Variants in STON1 observed in about 807,000 individuals in gnomAD.
STON1 encodes stonin-1.
Under a neutral mutation model 60.9 loss-of-function variants are expected in STON1, and 79 were observed. That is an observed-to-expected ratio of 1.30 (90% CI 1.08 to 1.56). STON1 has a LOEUF of 1.56. Among genes scored for constraint, STON1 ranks in the 40% most tolerant of loss-of-function variants. The pLI is 0.00. For synonymous variants in STON1, 363 were observed against 306.9 expected, an observed-to-expected ratio of 1.18 and a Z score of -1.91; for missense variants, 1,166 against 858.9, an observed-to-expected ratio of 1.36 and a Z score of -4.47.
intron 1 of STON1, chr2:48,531,663 G>GCTGGGGTTTTCTTCCACATGAT (rs1439098243): frequency 1.3e-5 from 2 of 152,200 alleles, no homozygotes; most frequent in Non-Finnish European, 2.9e-5. Context: ...AGCAGCCTGA[G>GCTGGGGTTTTCTTCCACATGAT]CTGGGGTTTT....
Position 48,581,223 on chromosome 2 carries a change from C to T in STON1, c.590C>T (p.Thr197Ile), listed in dbSNP as rs542933253. ...WKDEGSDSHFTLDPPGSKKMF... is the reference protein window; with the variant it reads ...WKDEGSDSHFILDPPGSKKMF... ...GATGAAGGCAGTGATTCCCATTTCA[C>T]CCTTGACCCACCAGGAAGCAAAAAG... Residue 197 changes from threonine to isoleucine, a missense_variant, in exon 2 of 4, where the codon ACC becomes ATC. Thr to Ile is a moderately conservative substitution (Grantham distance 89). Transcript: ENST00000404752. 4 of 1,520,136 alleles carry T rather than the reference C, an allele frequency of 2.6e-6. No individual in the cohort carries two copies. The highest frequency in any genetic ancestry group is 2.7e-5 in the South Asian group (2 of 74,518). 94.2% of individuals were successfully genotyped at this position (1,520,136 alleles called of 1,614,324 possible). A position where few individuals can be genotyped will look rare whatever the true frequency, so the allele number is the denominator to read the frequency against.
chr2:48,565,879 G>A (rs1447162139), intron 1 of STON1, among the ~76,000 whole-genome samples: 1 of 152,154 alleles, frequency 6.6e-6, no homozygotes, highest in East Asian at 1.9e-4. Context: ...AGCATCTATG[G>A]CAGTGACATG....
chr2:48,542,235 C>A (rs530241638), intron 1 of STON1, among the ~76,000 whole-genome samples: 73 of 152,326 alleles, frequency 4.8e-4, no homozygotes, highest in Non-Finnish European at 9.7e-4. Flanking sequence ...AAGCAGTCTA[C>A]ACAAAGATAT....
At position 48,581,334 on chromosome 2, in the gene STON1, A is replaced by G. The variant is rs1192570057; in HGVS notation, c.701A>G (p.Glu234Gly). Residue 234 changes from glutamate (E) to glycine (G), a missense_variant, in exon 2 of 4, where the codon GAA becomes GGA. Physicochemically the swap from Glu to Gly is moderately conservative, Grantham distance 98. Transcript: ENST00000404752. ...CSLNYICEKL[E>G]HLQSAENQDS... ...CTCAACTATATCTGTGAGAAGCTTG[A>G]ACATCTCCAGTCAGCTGAGAACCAA... 6.5e-7 allele frequency: 1 copy of G among 1,538,240 alleles called. No homozygotes were observed.
chr2:48,568,153 G>A (rs1221394112), intron 1 of STON1, among the ~76,000 whole-genome samples: 1 of 152,146 alleles, frequency 6.6e-6, no homozygotes, highest in East Asian at 1.9e-4. Flanking sequence ...GCTGATACCA[G>A]GAGGCTACTG....
intron 1 of STON1, among the ~76,000 whole-genome samples, chr2:48,538,184 C>T (rs1210448898): frequency 6.6e-6 from 1 of 152,074 alleles, no homozygotes; most frequent in East Asian, 1.9e-4. Flanking sequence ...GTCTTGAACT[C>T]CTGCTCTCAT....
intron 1 of STON1, among the ~76,000 whole-genome samples, chr2:48,549,488 G>C (rs1487854767): frequency 3.9e-5 from 6 of 152,120 alleles, no homozygotes; most frequent in Non-Finnish European, 8.8e-5. Flanking sequence ...CCTGAGGACA[G>C]ACCTAGGGTT....
At position 48,581,261 on chromosome 2, in the gene STON1, A is replaced by G; in HGVS notation, c.628A>G (p.Arg210Gly). The G allele has an allele frequency of 6.6e-7, 1 of 1,518,188 alleles. No individual in the cohort carries two copies. Among genetic ancestry groups the G allele is most frequent in the South Asian group, 1.3e-5 (1 of 74,462 alleles). The allele number at this position is 1,518,188 out of a possible 1,614,324, so 94.0% of individuals were successfully genotyped here. Residue 210 changes from arginine (R) to glycine (G), a missense_variant, in exon 2 of 4, where the codon AGA (arginine) becomes GGA (glycine). Physicochemically the swap from Arg to Gly is moderately radical, Grantham distance 125. Transcript: ENST00000404752. ...AGGAAGCAAAAAGATGTTCTCATCAAGAAACAAGGAGATGCCTATTGACCA... is the reference window on the plus strand; with the variant it reads ...AGGAAGCAAAAAGATGTTCTCATCAGGAAACAAGGAGATGCCTATTGACCA... ...PPGSKKMFSS[R>G]NKEMPIDQKS...
At chr2:48,572,746 G>A (rs772255584) in intron 1 of STON1, among the ~76,000 whole-genome samples, 4 of 152,120 alleles carry the variant, frequency 2.6e-5, no homozygotes, top group Admixed American at 1.3e-4. Context: ...ATTTTCCTGA[G>A]CTCTCACCCC....
rs1485131966 is a variant in STON1, at chr2:48,564,576, C to T, written c.-47-16011C>T. On this transcript the variant is annotated intron_variant, in intron 1 of 3. Coordinates refer to ENST00000404752, the MANE Select transcript of STON1 (RefSeq NM_006873.4). ...TCTTCTTCTTCTTCTTCTCCTTCTCCTTCTCCTCCTCCTCCTCCTCCTCCT... is the reference window on the plus strand; with the variant it reads ...TCTTCTTCTTCTTCTTCTCCTTCTCTTTCTCCTCCTCCTCCTCCTCCTCCT... 9.5e-5 allele frequency among the ~76,000 whole-genome samples: 6 copies of T among 63,458 alleles called. 1 individual carries two copies. The highest frequency in any genetic ancestry group is 1.7e-4 in the Admixed American group (1 of 5,836). 41.6% of individuals were successfully genotyped at this position (63,458 alleles called of 152,430 possible).
At position 48,581,790 on chromosome 2, in the gene STON1, T is replaced by A; in HGVS notation, c.1157T>A (p.Phe386Tyr). ...TTGGGGTCCACATCGTACCATGACT[T>A]CCTTGACTTTCTGACTACTGTGGAG... is the stretch of plus-strand genomic sequence containing the variant. ...LKLGSTSYHD[F>Y]LDFLTTVEEE... The change falls in exon 2 of 4, where the codon TTC (phenylalanine) becomes TAC (tyrosine). Residue 386 changes from phenylalanine (F) to tyrosine (Y), a missense_variant. By Grantham distance (22) the Phe-to-Tyr change is conservative. Coordinates refer to ENST00000404752, the MANE Select transcript of STON1 (RefSeq NM_006873.4). The A allele has an allele frequency of 6.2e-7, 1 of 1,614,134 alleles. No individual in the cohort carries two copies. Among genetic ancestry groups the A allele is most frequent in the Non-Finnish European group, 8.5e-7 (1 of 1,180,024 alleles).
chr2:48,538,214 C>T (rs1671509343), intron 1 of STON1, among the ~76,000 whole-genome samples: 1 of 152,162 alleles, frequency 6.6e-6, no homozygotes, highest in African/African-American at 2.4e-5. Context: ...TCCTCGGCCT[C>T]CCAAAGTGCT....
At chr2:48,544,210 C>T (rs1206401402) in intron 1 of STON1, among the ~76,000 whole-genome samples, 1 of 151,734 alleles carries the variant, frequency 6.6e-6, no homozygotes, top group East Asian at 1.9e-4. Context: ...GTCTGTCTGT[C>T]TAGACCTCTG....
chr2:48,556,250 G>T (rs1284086691), intron 1 of STON1, among the ~76,000 whole-genome samples: 22 of 28,110 alleles, frequency 7.8e-4, no homozygotes, highest in East Asian at 2.5e-3. Flanking sequence ...GGACGGGGCG[G>T]CTGGCCGGGC....
intron 1 of STON1, among the ~76,000 whole-genome samples, chr2:48,539,965 G>A (rs1355873241): frequency 6.6e-6 from 1 of 152,044 alleles, no homozygotes; most frequent in Admixed American, 6.6e-5. Flanking sequence ...CTCACTAACA[G>A]CTCATGGTGT....
chr2:48,595,881 A>T lies in STON1; in HGVS notation c.*579A>T, dbSNP rs1439510751. On this transcript the variant is annotated 3_prime_UTR_variant, in exon 4 of 4. Transcript: ENST00000404752. Reference sequence around the variant, plus strand: ...TACCGTTGGTAAATAATAATTGGCTATATTTGGTACCTGTCTCTCTCCTAC... The same window carrying T: ...TACCGTTGGTAAATAATAATTGGCTTTATTTGGTACCTGTCTCTCTCCTAC... 6.6e-6 allele frequency: 1 copy of T among 152,508 alleles called. No homozygotes were observed. 9.4% of individuals were successfully genotyped at this position (152,508 alleles called of 1,614,324 possible). A position where few individuals can be genotyped will look rare whatever the true frequency, so the allele number is the denominator to read the frequency against.
intron 1 of STON1, among the ~76,000 whole-genome samples, chr2:48,532,378 A>G (rs982786731): frequency 7.4e-6 from 1 of 134,794 alleles, no homozygotes; most frequent in Non-Finnish European, 1.7e-5. Context: ...AAATAAATAA[A>G]TAAATAAATA....
At chr2:48,563,918 T>G (rs1672716955) in intron 1 of STON1, among the ~76,000 whole-genome samples, 1 of 151,244 alleles carries the variant, frequency 6.6e-6, no homozygotes, top group Non-Finnish European at 1.5e-5. Context: ...CAGGCTGGTC[T>G]TGAACTCCTG....
chr2:48,560,861 T>C (rs2293270), intron 1 of STON1, among the ~76,000 whole-genome samples: 51,067 of 151,954 alleles, frequency 0.34, 8,736 homozygotes, highest in East Asian at 0.4. Context: ...CTCCTTGAAA[T>C]TGGCCCTCAC....
Sources: gnomAD v4.1 joint callset for allele counts (sites outside exome capture counted in the v4.1 genomes callset) on GRCh38, gnomAD v4.1.1 for gene constraint, MANE v1.5 for transcripts, NCBI Gene and HGNC (gene_info 2026-07-23, HGNC 2026-07-21) for gene names.